Variants in RBFOX1 observed in about 807,000 individuals in gnomAD.
The protein encoded by RBFOX1 is RNA binding protein fox-1 homolog 1.
RBFOX1 carries 8 observed loss-of-function variants against 57.7 expected under a neutral mutation model. The observed-to-expected ratio is 0.14, with a 90% CI of 0.08 to 0.25. RBFOX1 has a LOEUF of 0.25. RBFOX1 is among the 10% of genes least tolerant of loss of function. The probability of loss-of-function intolerance (pLI) is 1.00; values close to 1 mark genes in which losing one functional copy is unlikely to be tolerated. For missense variants in RBFOX1, 611 were observed against 548.5 expected, an observed-to-expected ratio of 1.11 and a Z score of -1.14; for synonymous variants, 326 against 222.4, an observed-to-expected ratio of 1.47 and a Z score of -4.15.
chr16:6,633,260 T>C (rs980891765), intron 2 of RBFOX1, among the ~76,000 whole-genome samples: 6 of 151,936 alleles, frequency 3.9e-5, no homozygotes, highest in African/African-American at 1.5e-4. Flanking sequence ...GCACAGAAAG[T>C]GTTCTTGAGT....
At chr16:5,938,783 CA>C (rs1298468463) in intron 4 of RBFOX1, among the ~76,000 whole-genome samples, 1 of 152,160 alleles carries the variant, frequency 6.6e-6, no homozygotes, top group African/African-American at 2.4e-5. Flanking sequence ...CACCACAAAG[CA>C]GGAGGAAGCC....
chr16:7,666,847 C>G (rs1445157485), intron 13 of RBFOX1, among the ~76,000 whole-genome samples: 1 of 152,192 alleles, frequency 6.6e-6, no homozygotes, highest in Non-Finnish European at 1.5e-5. Context: ...GATTTTGTCT[C>G]TCACACATTC....
chr16:6,163,359 A>G (rs2096893379), intron 1 of RBFOX1, among the ~76,000 whole-genome samples: 1 of 152,238 alleles, frequency 6.6e-6, no homozygotes, highest in Non-Finnish European at 1.5e-5. Flanking sequence ...ATGTTAAAAC[A>G]GATTTCATCT....
In RBFOX1 at chr16:5,657,737, C is replaced by CTT. The variant is rs144589835; in HGVS notation, c.318+58788_318+58789dup. Among the ~76,000 whole-genome samples, 188 of 115,336 alleles carry CTT rather than the reference C, an allele frequency of 1.6e-3. 12 individuals are homozygous for CTT. Among genetic ancestry groups the CTT allele is most frequent in the African/African-American group, 5.2e-3 (165 of 31,998 alleles). 75.7% of individuals were successfully genotyped at this position (115,336 alleles called of 152,430 possible). A position where few individuals can be genotyped will look rare whatever the true frequency, so the allele number is the denominator to read the frequency against. ...CTCTTTCTTTTGTTTCTTTTCTTTT[C>CTT]TTTTTTTTTTTTTGAGACAGAATCT... On this transcript the variant is annotated intron_variant, in intron 3 of 19. Coordinates refer to the RBFOX1 transcript ENST00000641259.
At chr16:5,350,845 A>G (rs994029542) in intron 1 of RBFOX1, among the ~76,000 whole-genome samples, 11 of 150,342 alleles carry the variant, frequency 7.3e-5, no homozygotes, top group African/African-American at 2.7e-4. Flanking sequence ...AGCCTGGGCA[A>G]CAAAAGTGAA....
chr16:7,522,340 T>C (rs930621290), intron 5 of RBFOX1, among the ~76,000 whole-genome samples: 2 of 152,104 alleles, frequency 1.3e-5, no homozygotes, highest in African/African-American at 2.4e-5. Context: ...AGAGGAACTA[T>C]TGAGTAAGAC....
At chr16:7,190,493 T>A (rs2085103997) in intron 4 of RBFOX1, among the ~76,000 whole-genome samples, 1 of 133,300 alleles carries the variant, frequency 7.5e-6, no homozygotes, top group South Asian at 2.3e-4. Flanking sequence ...CATCCAGGCA[T>A]TTTTTTTTTC....
chr16:5,985,281 C>A (rs997046433), intron 4 of RBFOX1, among the ~76,000 whole-genome samples: 1 of 151,562 alleles, frequency 6.6e-6, no homozygotes, highest in African/African-American at 2.4e-5. Context: ...CATGAGTCAT[C>A]ATGTCCGGCC....
intron 1 of RBFOX1, among the ~76,000 whole-genome samples, chr16:6,235,182 G>A (rs1320297651): frequency 1.3e-5 from 2 of 152,128 alleles, no homozygotes; most frequent in Admixed American, 1.3e-4. Flanking sequence ...CATTCTAAGA[G>A]TGCAGGGCTC....
chr16:5,723,181 T>A (rs1455018670), intron 3 of RBFOX1, among the ~76,000 whole-genome samples: 1 of 152,194 alleles, frequency 6.6e-6, no homozygotes. Context: ...ATCTGTAACA[T>A]GGGAGAATCA....
intron 9 of RBFOX1, among the ~76,000 whole-genome samples, chr16:7,605,972 AC>A (rs979713490): frequency 6.6e-6 from 1 of 151,466 alleles, no homozygotes; most frequent in African/African-American, 2.4e-5. Context: ...ATTAGTTGTT[AC>A]TACTTTGTAT....
Position 6,804,431 on chromosome 16 carries a change from T to G in RBFOX1, c.-16+149781T>G, listed in dbSNP as rs528841819. Reference sequence around the variant, plus strand: ...AGTATTTCAGGTCAACAATAACTCTTTGCTGACTGAAGATTTGACTGGATG... The same window carrying G: ...AGTATTTCAGGTCAACAATAACTCTGTGCTGACTGAAGATTTGACTGGATG... On this transcript the variant is annotated intron_variant, in intron 3 of 15. Coordinates refer to ENST00000550418, the MANE Select transcript of RBFOX1 (RefSeq NM_018723.4). 2.0e-5 allele frequency among the ~76,000 whole-genome samples: 3 copies of G among 152,248 alleles called. No individual in the cohort carries two copies. The South Asian group carries it at 6.2e-4, about 32-fold the overall frequency.
chr16:6,771,568 T>C (rs1567177763), intron 3 of RBFOX1, among the ~76,000 whole-genome samples: 1 of 152,154 alleles, frequency 6.6e-6, no homozygotes. Context: ...TCTTCTCAGA[T>C]ATGATGCAGA....
At position 6,859,199 on chromosome 16, in the gene RBFOX1, A is replaced by ATATG. The variant is rs2058571857; in HGVS notation, c.-15-192855_-15-192854insGTAT. Among the ~76,000 whole-genome samples the ATATG allele has an allele frequency of 8.4e-5, 9 of 107,764 alleles. 1 individual carries two copies. Among genetic ancestry groups the ATATG allele is most frequent in the Admixed American group, 2.7e-4 (3 of 10,934 alleles). 70.7% of individuals were successfully genotyped at this position (107,764 alleles called of 152,430 possible). A position where few individuals can be genotyped will look rare whatever the true frequency, so the allele number is the denominator to read the frequency against. On this transcript the variant is annotated intron_variant, in intron 3 of 15. Transcript: ENST00000550418. ...TGTATATATATGTATATATATATGTATATATATATATACAAAAATTAGTTC... is the reference window on the plus strand; with the variant it reads ...TGTATATATATGTATATATATATGTATATGTATATATATATACAAAAATTAGTTC...
chr16:5,784,611 C>A (rs546388220), intron 3 of RBFOX1, among the ~76,000 whole-genome samples: 5 of 152,278 alleles, frequency 3.3e-5, no homozygotes, highest in Middle Eastern at 3.4e-3. Flanking sequence ...TCGCTCACCT[C>A]CCATCTGGCC....
At chr16:5,906,433 A>T (rs193012685) in intron 4 of RBFOX1, among the ~76,000 whole-genome samples, 20 of 152,300 alleles carry the variant, frequency 1.3e-4, no homozygotes, top group Admixed American at 1.2e-3. Flanking sequence ...GGGTAGAGCT[A>T]CGGAACAGAT....
intron 4 of RBFOX1, among the ~76,000 whole-genome samples, chr16:7,489,809 C>A (rs2066458762): frequency 6.6e-6 from 1 of 152,028 alleles, no homozygotes; most frequent in Non-Finnish European, 1.5e-5. Flanking sequence ...GTGTGAGCCA[C>A]CACGCCCAGC....
intron 3 of RBFOX1, among the ~76,000 whole-genome samples, chr16:6,843,006 C>G (rs1011707693): frequency 6.6e-6 from 1 of 152,044 alleles, no homozygotes. Context: ...TGATCTCATT[C>G]TTTTTTATGG....
chr16:6,617,660 G>C (rs144454088), intron 2 of RBFOX1, among the ~76,000 whole-genome samples: 1 of 152,072 alleles, frequency 6.6e-6, no homozygotes, highest in Admixed American at 6.6e-5. Context: ...TCACAGGCAG[G>C]GTTTTGACTC....
Sources: allele counts gnomAD v4.1 joint callset (sites outside exome capture counted in the v4.1 genomes callset), GRCh38; gene constraint gnomAD v4.1.1; transcripts MANE v1.5; gene names NCBI Gene and HGNC (gene_info 2026-07-23, HGNC 2026-07-21).